Variants in DBF4 observed in about 807,000 individuals in gnomAD.
DBF4 encodes the protein protein DBF4 homolog A.
In DBF4, 25 loss-of-function variants were observed where a neutral mutation model predicts 76.6. That is an observed-to-expected ratio of 0.33 (90% confidence interval 0.24 to 0.46). The LOEUF (loss-of-function observed/expected upper bound fraction) is 0.46, where lower values mean the gene tolerates loss of function less well. Among genes scored for constraint, DBF4 ranks in the 20% least tolerant of loss-of-function variants. The probability of loss-of-function intolerance (pLI) is 1.00; values close to 1 mark genes in which losing one functional copy is unlikely to be tolerated. For missense variants in DBF4, 638 were observed against 760.8 expected (o/e 0.84, Z 1.90); for synonymous variants, 213 against 258.0 (o/e 0.83, Z 1.67).
At chr7:87,899,214 GATAAA>G (rs1340344605) in intron 8 of DBF4, among the ~76,000 whole-genome samples, 2 of 152,096 alleles carry the variant, frequency 1.3e-5, no homozygotes, top group African/African-American at 4.8e-5. Flanking sequence ...GATTACAAAA[GATAAA>G]ATAATTAAAT....
At chr7:87,886,939 A>G (rs781761550) in intron 4 of DBF4, 45 bp downstream of exon 4, 1 of 1,273,870 alleles carries the variant, frequency 7.9e-7, no homozygotes, top group Non-Finnish European at 1.1e-6. Flanking sequence ...TTTGTTATTA[A>G]AAACTCAACT....
chr7:87,889,307 T>TC (rs1839432094), intron 6 of DBF4, among the ~76,000 whole-genome samples: 1 of 146,268 alleles, frequency 6.8e-6, no homozygotes, highest in South Asian at 2.2e-4. Context: ...AGGCAGGCCC[T>TC]CCCCCTCTGT....
intron 4 of DBF4, 125 bp from the exon 5 acceptor site, chr7:87,887,204 C>T (rs535424813): frequency 3.7e-6 from 3 of 802,968 alleles, no homozygotes; most frequent in Admixed American, 6.0e-5. Flanking sequence ...GCTATTGTAA[C>T]TCTATAGGGT....
At position 87,897,330 on chromosome 7, in the gene DBF4, A is replaced by T; in HGVS notation, c.671A>T (p.Asp224Val). Reference protein sequence around the residue: ...RLKKPFVKVEDMSQLYRPFYL... With the variant: ...RLKKPFVKVEVMSQLYRPFYL... The stretch of plus-strand genomic sequence containing the variant: ...AAAAAGCCTTTTGTAAAGGTGGAAG[A>T]TATGAGCCAGTAAGTATTTAAGTCC... Residue 224 changes from aspartate to valine, a missense_variant, in exon 8 of 12, where the codon GAT becomes GTT. Transcript: ENST00000265728. 10 of 1,612,904 alleles carry T rather than the reference A, an allele frequency of 6.2e-6. No individual in the cohort carries two copies. In the South Asian group the frequency reaches 1.1e-4, roughly 18 times the overall value.
At chr7:87,903,350 A>T (rs1839835827) in intron 10 of DBF4, among the ~76,000 whole-genome samples, 1 of 152,246 alleles carries the variant, frequency 6.6e-6, no homozygotes, top group Non-Finnish European at 1.5e-5. Flanking sequence ...AAGTGCTAGG[A>T]CTACAGGCGT....
At chr7:87,898,100 A>C (rs1355051617) in intron 8 of DBF4, among the ~76,000 whole-genome samples, 31 of 152,188 alleles carry the variant, frequency 2.0e-4, no homozygotes, top group Admixed American at 2.0e-3. Flanking sequence ...CTTAATGAAG[A>C]CCACAGATAT....
chr7:87,890,526 C>T (rs1204282082), intron 6 of DBF4, among the ~76,000 whole-genome samples: 1 of 152,068 alleles, frequency 6.6e-6, no homozygotes, highest in Non-Finnish European at 1.5e-5. Flanking sequence ...GAGTGAGACT[C>T]CATCTCAAAA....
chr7:87,903,194 T>A (rs1839831948), intron 10 of DBF4, among the ~76,000 whole-genome samples: 1 of 152,366 alleles, frequency 6.6e-6, no homozygotes, highest in East Asian at 1.9e-4. Context: ...GAGATTCTAC[T>A]GCCTCAGCCT....
At position 87,887,213 on chromosome 7, in the gene DBF4, G is replaced by T. The variant is rs944672576; in HGVS notation, c.451-116G>T. ...GTCCTAGCTATTGTAACTCTATAGG[G>T]TCTGTTACAAATAACTGCCTTAGTG... On this transcript the variant is annotated intron_variant, in intron 4 of 11. Transcript: ENST00000265728. 4 of 844,856 alleles carry T rather than the reference G, an allele frequency of 4.7e-6. No homozygotes were observed. The African/African-American group carries it at 5.2e-5, about 11-fold the overall frequency. 52.3% of individuals were successfully genotyped at this position (844,856 alleles called of 1,614,324 possible). A position where few individuals can be genotyped will look rare whatever the true frequency, so the allele number is the denominator to read the frequency against.
At chr7:87,886,778 G>T in intron 3 of DBF4, 66 bp from the exon 4 acceptor site, 1 of 998,040 alleles carries the variant, frequency 1.0e-6, no homozygotes, top group Non-Finnish European at 1.5e-6. Context: ...TTTCTTAGCT[G>T]CTTTACCTTT....
chr7:87,892,878 G>C (rs1839528907), intron 6 of DBF4, among the ~76,000 whole-genome samples: 1 of 151,962 alleles, frequency 6.6e-6, no homozygotes, highest in Admixed American at 6.6e-5. Context: ...TTTTAATTCT[G>C]TTATGGCCAT....
chr7:87,890,007 G>C (rs1227720968), intron 6 of DBF4, among the ~76,000 whole-genome samples: 1 of 152,222 alleles, frequency 6.6e-6, no homozygotes, highest in East Asian at 1.9e-4. Flanking sequence ...GTATATAGAA[G>C]TAAATGTTTA....
Position 87,876,525 on chromosome 7 carries a change from G to T in DBF4, c.-208G>T, listed in dbSNP as rs1839038969. The T allele has an allele frequency of 1.7e-6, 1 of 602,106 alleles. No individual in the cohort carries two copies. Among genetic ancestry groups the T allele is most frequent in the South Asian group, 1.9e-5 (1 of 51,914 alleles). The allele number at this position is 602,106 out of a possible 1,614,324, so 37.3% of individuals were successfully genotyped here. A position where few individuals can be genotyped will look rare whatever the true frequency, so the allele number is the denominator to read the frequency against. On this transcript the variant is annotated 5_prime_UTR_variant, in exon 1 of 12. Coordinates refer to ENST00000265728, the MANE Select transcript of DBF4 (RefSeq NM_006716.4). Reference sequence around the variant, plus strand: ...CAACCGCCGCAGCCCACTCGTTTGTGCTTTGCGCCTTCCTCCTCCGCGCCT... The same window carrying T: ...CAACCGCCGCAGCCCACTCGTTTGTTCTTTGCGCCTTCCTCCTCCGCGCCT...
At chr7:87,898,580 A>C (rs1839694792) in intron 8 of DBF4, among the ~76,000 whole-genome samples, 1 of 152,098 alleles carries the variant, frequency 6.6e-6, no homozygotes, top group African/African-American at 2.4e-5. Context: ...TCACGAGTTC[A>C]GGAGATGGAG....
chr7:87,905,558 C>T (rs1839895414), intron 11 of DBF4, among the ~76,000 whole-genome samples: 2 of 152,156 alleles, frequency 1.3e-5, no homozygotes, highest in Non-Finnish European at 2.9e-5. Context: ...TGTACACCAA[C>T]TGCACATTGA....
Position 87,878,243 on chromosome 7 carries a change from A to G in DBF4, c.219+18A>G. The stretch of plus-strand genomic sequence containing the variant: ...TGGGAGGGGTAAGTGAAAACCGTAC[A>G]CTGGCATAGAAGGAAAAATTTGTAA... On this transcript the variant is annotated intron_variant, in intron 2 of 11. Transcript: ENST00000265728. The G allele has an allele frequency of 1.3e-6, 2 of 1,584,870 alleles. No individual in the cohort carries two copies. Among genetic ancestry groups the G allele is most frequent in the East Asian group, 2.3e-5 (1 of 44,382 alleles).
intron 6 of DBF4, among the ~76,000 whole-genome samples, chr7:87,895,069 GT>G (rs1839600148): frequency 6.7e-6 from 1 of 149,990 alleles, no homozygotes; most frequent in South Asian, 2.1e-4. Flanking sequence ...AGTCTTTTTT[GT>G]TTCCTCTTTT....
intron 11 of DBF4, among the ~76,000 whole-genome samples, chr7:87,906,323 GTTT>G (rs11295594): frequency 7.4e-6 from 1 of 135,500 alleles, no homozygotes; most frequent in Non-Finnish European, 1.6e-5. Context: ...TGTTAGAGTA[GTTT>G]TTTTTTTTTT....
intron 6 of DBF4, among the ~76,000 whole-genome samples, chr7:87,893,928 ACT>A (rs1385788424): frequency 1.3e-5 from 2 of 150,946 alleles, no homozygotes; most frequent in African/African-American, 2.4e-5. Context: ...CAGCTTTTTA[ACT>A]CTCTTCATTT....
Sources: gnomAD v4.1 joint callset for allele counts (sites outside exome capture counted in the v4.1 genomes callset) on GRCh38, gnomAD v4.1.1 for gene constraint, MANE v1.5 for transcripts, NCBI Gene and HGNC (gene_info 2026-07-23, HGNC 2026-07-21) for gene names.